NAV3: variants seen among roughly 807,000 people sequenced by gnomAD.
NAV3 encodes the protein neuron navigator 3.
A neutral mutation model predicts 244.7 loss-of-function variants in NAV3; 87 were observed. The observed-to-expected ratio is 0.36, with a 90% confidence interval of 0.30 to 0.42. The LOEUF is 0.42. NAV3 is among the 20% of genes least tolerant of loss of function. NAV3 has a pLI of 1.00. For synonymous variants in NAV3, 1,126 were observed against 1,042.2 expected, an observed-to-expected ratio of 1.08 and a Z score of -1.55; for missense variants, 2,663 against 2,893.3, an observed-to-expected ratio of 0.92 and a Z score of 1.83.
At chr12:77,940,177 C>T in intron 1 of NAV3, 142 bp from the exon 2 acceptor site, 1 of 639,144 alleles carries the variant, frequency 1.6e-6, no homozygotes, top group East Asian at 2.7e-5. Context: ...TACTTTACAA[C>T]TATTTCCTTT....
chr12:77,775,210 G>A (rs148473200), intron 2 of NAV3, among the ~76,000 whole-genome samples: 1 of 151,950 alleles, frequency 6.6e-6, no homozygotes, highest in East Asian at 1.9e-4. Context: ...TGACTAACAC[G>A]GAGAAACCCC....
chr12:77,917,503 G>A (rs1382567289), intron 1 of NAV3, among the ~76,000 whole-genome samples: 1 of 151,956 alleles, frequency 6.6e-6, no homozygotes, highest in Non-Finnish European at 1.5e-5. Context: ...TTATTTCTCT[G>A]CTTAAGATTA....
intron 8 of NAV3, among the ~76,000 whole-genome samples, chr12:78,015,023 AC>A (rs1217674054): frequency 6.6e-6 from 1 of 152,050 alleles, no homozygotes; most frequent in Non-Finnish European, 1.5e-5. Context: ...TAGAAGAGGC[AC>A]TTTTGTGTAG....
chr12:77,735,565 TG>T (rs1275194517), intron 2 of NAV3, among the ~76,000 whole-genome samples: 1 of 152,162 alleles, frequency 6.6e-6, no homozygotes, highest in African/African-American at 2.4e-5. Flanking sequence ...TCCTAGGCTT[TG>T]GGGTAGTTGC....
At chr12:77,974,956 C>T (rs1868279503) in intron 5 of NAV3, among the ~76,000 whole-genome samples, 1 of 152,118 alleles carries the variant, frequency 6.6e-6, no homozygotes, top group African/African-American at 2.4e-5. Context: ...ACATTAAAAA[C>T]CTTAAGTCAA....
At chr12:77,758,114 G>GT (rs34265864) in intron 2 of NAV3, among the ~76,000 whole-genome samples, 147,417 of 152,158 alleles carry the variant, frequency 0.97, 71,586 homozygotes, top group Middle Eastern at 1. Context: ...AAGTGTCTGA[G>GT]TTTGGTTTAT....
chr12:77,658,895 T>C (rs1433473967), intron 2 of NAV3, among the ~76,000 whole-genome samples: 1 of 152,240 alleles, frequency 6.6e-6, no homozygotes, highest in East Asian at 1.9e-4. Context: ...CTGGGAAAAC[T>C]GGCTATCCAT....
intron 5 of NAV3, among the ~76,000 whole-genome samples, chr12:77,984,494 T>TA (rs59855873): frequency 1.3e-5 from 2 of 151,382 alleles, no homozygotes; most frequent in South Asian, 2.1e-4. Context: ...TTTTTTTTTT[T>TA]ACCTGTTATA....
intron 2 of NAV3, among the ~76,000 whole-genome samples, chr12:77,716,107 A>T (rs996308747): frequency 3.3e-5 from 5 of 152,082 alleles, no homozygotes; most frequent in African/African-American, 1.2e-4. Context: ...CTAAGATGAA[A>T]TTTAAACAGT....
intron 2 of NAV3, among the ~76,000 whole-genome samples, chr12:77,631,642 T>C (rs1395995716): frequency 6.6e-6 from 1 of 152,170 alleles, no homozygotes; most frequent in Admixed American, 6.5e-5. Flanking sequence ...GTGGGAATGA[T>C]AATAATATTG....
At chr12:77,683,810 A>G (rs1275932959) in intron 2 of NAV3, among the ~76,000 whole-genome samples, 1 of 152,028 alleles carries the variant, frequency 6.6e-6, no homozygotes, top group East Asian at 1.9e-4. Context: ...GTTCCATTGT[A>G]TGCATATGTT....
intron 2 of NAV3, among the ~76,000 whole-genome samples, chr12:77,815,711 C>G (rs1872502014): frequency 6.6e-6 from 1 of 152,060 alleles, no homozygotes; most frequent in South Asian, 2.1e-4. Flanking sequence ...CATAATTCAT[C>G]AAATCTTTTT....
intron 1 of NAV3, among the ~76,000 whole-genome samples, chr12:77,841,407 C>T (rs1176880196): frequency 1.3e-5 from 2 of 152,136 alleles, no homozygotes; most frequent in African/African-American, 4.8e-5. Context: ...TGTGACCAAG[C>T]AAATTTTATA....
intron 2 of NAV3, among the ~76,000 whole-genome samples, chr12:77,650,971 T>G (rs1418514643): frequency 6.6e-6 from 1 of 152,112 alleles, no homozygotes; most frequent in East Asian, 1.9e-4. Flanking sequence ...CCATTTTTTA[T>G]AAATATATAG....
intron 2 of NAV3, among the ~76,000 whole-genome samples, chr12:77,626,542 G>A (rs975199431): frequency 2.0e-5 from 3 of 151,862 alleles, no homozygotes; most frequent in Admixed American, 2.0e-4. Flanking sequence ...TCTAAAAACA[G>A]CAAGAAAAAA....
At chr12:78,154,374 G>GTATA (rs887253772) in intron 22 of NAV3, among the ~76,000 whole-genome samples, 1 of 122,612 alleles carries the variant, frequency 8.2e-6, no homozygotes, top group South Asian at 2.4e-4. Flanking sequence ...ATATATGTGT[G>GTATA]TATATATATA....
At chr12:77,868,063 T>C (rs557798970) in intron 1 of NAV3, among the ~76,000 whole-genome samples, 1 of 151,664 alleles carries the variant, frequency 6.6e-6, no homozygotes, top group African/African-American at 2.4e-5. Context: ...TTAGCCAAGT[T>C]TGAATCATTT....
At chr12:78,177,894 T>C (rs1958310846) in intron 28 of NAV3, among the ~76,000 whole-genome samples, 1 of 149,938 alleles carries the variant, frequency 6.7e-6, no homozygotes, top group Non-Finnish European at 1.5e-5. Flanking sequence ...AGCATTTTTA[T>C]GATAGCCCAC....
At chr12:77,945,959 A>G (rs1738195348) in intron 3 of NAV3, among the ~76,000 whole-genome samples, 1 of 151,250 alleles carries the variant, frequency 6.6e-6, no homozygotes, top group Non-Finnish European at 1.5e-5. Context: ...GGGTTTTGCC[A>G]TGTTGGCCAG....
Sources: allele counts gnomAD v4.1 joint callset (sites outside exome capture counted in the v4.1 genomes callset), GRCh38; gene constraint gnomAD v4.1.1; transcripts MANE v1.5; gene names NCBI Gene and HGNC (gene_info 2026-07-23, HGNC 2026-07-21).